ANKRD30B: variants seen among roughly 807,000 people sequenced by gnomAD.
ANKRD30B encodes the protein ankyrin repeat domain 30B.
A neutral mutation model predicts 202.2 loss-of-function variants in ANKRD30B; 144 were observed. The observed-to-expected ratio is 0.71, with a 90% CI of 0.62 to 0.82. The LOEUF is 0.82. Among genes scored for constraint, ANKRD30B ranks in the 40% least tolerant of loss-of-function variants. The pLI, the probability that ANKRD30B is intolerant of heterozygous loss-of-function variation, is 0.00. For missense variants in ANKRD30B, 1,487 were observed against 1,669.1 expected, an observed-to-expected ratio of 0.89 and a Z score of 1.90; for synonymous variants, 508 against 561.3, an observed-to-expected ratio of 0.91 and a Z score of 1.34.
the ANKRD30B span, among the ~76,000 whole-genome samples, chr18:14,878,451 T>G: frequency 6.6e-6 from 1 of 152,030 alleles, no homozygotes; most frequent in Non-Finnish European, 1.5e-5. Context: ...CTTTGCCTTC[T>G]TTCTCGATTC....
At position 14,765,084 on chromosome 18, in the gene ANKRD30B, A is replaced by C. The variant is rs185743403; in HGVS notation, c.1225+994A>C. Among the ~76,000 whole-genome samples, 239 of 152,314 alleles carry C rather than the reference A, an allele frequency of 1.6e-3. 1 individual carries two copies. Among genetic ancestry groups the C allele is most frequent in the Middle Eastern group, 6.8e-3 (2 of 294 alleles). ...GAAAGGTTTGAGCAGGGGAGTCACA[A>C]GATTGGATCTGAGCATCAGGGCATT... On this transcript the variant is annotated intron_variant, in intron 7 of 43. Transcript: ENST00000690538.
intron 16 of ANKRD30B, among the ~76,000 whole-genome samples, chr18:14,792,093 C>T (rs1968551494): frequency 6.6e-6 from 1 of 152,172 alleles, no homozygotes; most frequent in Admixed American, 6.5e-5. Flanking sequence ...GTCATATACA[C>T]TCCGTATAGA....
At chr18:14,858,789 C>G (rs1478382218), downstream of ANKRD30B, among the ~76,000 whole-genome samples, 6 of 132,568 alleles carry the variant, frequency 4.5e-5, no homozygotes, top group Non-Finnish European at 3.4e-5. Flanking sequence ...GGCTCCTCAC[C>G]TCCCAGACAA....
At chr18:14,821,327 T>TTTTTTGATAATTTGGA (rs1306267217) in intron 30 of ANKRD30B, among the ~76,000 whole-genome samples, 117 of 152,264 alleles carry the variant, frequency 7.7e-4, no homozygotes, top group African/African-American at 2.7e-3. Context: ...CCTGGATTCA[T>TTTTTTGATAATTTGGA]TAATTTTTTG....
At chr18:14,887,241 A>G in the ANKRD30B span, among the ~76,000 whole-genome samples, 3 of 152,066 alleles carry the variant, frequency 2.0e-5, no homozygotes, top group Admixed American at 6.6e-5. Context: ...CCTTCATGAC[A>G]TTCAGGGCCC....
chr18:14,853,000 T>C (rs1971951394), intron 42 of ANKRD30B, among the ~76,000 whole-genome samples: 2 of 152,314 alleles, frequency 1.3e-5, no homozygotes, highest in South Asian at 2.1e-4. Context: ...AAATTATGTA[T>C]TGTTAAAACC....
At chr18:14,809,322 C>G (rs886381514) in intron 26 of ANKRD30B, among the ~76,000 whole-genome samples, 2 of 150,990 alleles carry the variant, frequency 1.3e-5, no homozygotes, top group African/African-American at 4.9e-5. Context: ...GAAACACAGT[C>G]TTTCCATAAC....
rs2143607527 is a variant in ANKRD30B at position 14,748,630 on chromosome 18, A to G, written c.211A>G (p.Met71Val). 6.4e-7 allele frequency: 1 copy of G among 1,562,666 alleles called. No individual in the cohort carries two copies. Residue 71 changes from methionine (M) to valine (V), a missense_variant, in exon 1 of 44, where the codon ATG (methionine) becomes GTG (valine). Physicochemically the swap from Met to Val is conservative, Grantham distance 21 (BLOSUM62 1). Coordinates refer to ENST00000690538, the MANE Select transcript of ANKRD30B (RefSeq NM_001367607.2). Reference sequence around the variant, plus strand: ...GCCCGTCAACCTGAACAAAAGAGATATGAAGAAGAGGTACCAGGCCCTGCC... The same window carrying G: ...GCCCGTCAACCTGAACAAAAGAGATGTGAAGAAGAGGTACCAGGCCCTGCC... ...KKPVNLNKRD[M>V]KKRTALHWAC...
At chr18:14,896,201 G>A in the ANKRD30B span, among the ~76,000 whole-genome samples, 3 of 151,202 alleles carry the variant, frequency 2.0e-5, no homozygotes, top group South Asian at 2.1e-4. Flanking sequence ...GCGTGATCTC[G>A]GTTCACTGCA....
At chr18:14,917,382 C>T in the ANKRD30B span, among the ~76,000 whole-genome samples, 2 of 152,062 alleles carry the variant, frequency 1.3e-5, no homozygotes, top group African/African-American at 4.8e-5. Context: ...TTTCCTGTAC[C>T]CTCACCTTCC....
At chr18:14,803,637 A>C (rs1201305788) in intron 23 of ANKRD30B, 97 bp from the exon 24 acceptor site, 2 of 1,407,866 alleles carry the variant, frequency 1.4e-6, no homozygotes, top group Middle Eastern at 1.8e-4. Context: ...AAAGTAGGAA[A>C]CTGTGTTTTT....
chr18:14,859,070 G>A (rs1374317698), downstream of ANKRD30B, among the ~76,000 whole-genome samples: 8 of 126,338 alleles, frequency 6.3e-5, no homozygotes, highest in Admixed American at 1.5e-4. Flanking sequence ...TGGGGTGGCC[G>A]GGCAGAGGCG....
At chr18:14,836,890 T>C (rs1417056579) in intron 34 of ANKRD30B, among the ~76,000 whole-genome samples, 1 of 152,066 alleles carries the variant, frequency 6.6e-6, no homozygotes, top group African/African-American at 2.4e-5. Flanking sequence ...TTTCTAAGCT[T>C]TTCAGGTAAA....
downstream of ANKRD30B, among the ~76,000 whole-genome samples, chr18:14,856,634 AG>A (rs548618533): frequency 2.5e-5 from 3 of 119,052 alleles, no homozygotes; most frequent in South Asian, 8.0e-4. Context: ...GGCGCTCCTC[AG>A]TTCCCAGATT....
chr18:14,778,071 A>T lies in ANKRD30B; in HGVS notation c.1416A>T (p.Ile472=), dbSNP rs991287977. Residue 472 remains isoleucine (I), a synonymous_variant, in exon 10 of 44, where the codon ATA becomes ATT. Transcript: ENST00000690538. ...ATATCAAAACAATAAATCACAAAAT[A>T]GAAGGTAAGAACCATTTTTTATTTA... is the stretch of plus-strand genomic sequence containing the variant. ...QKDIKTINHK[I]EDQMFPSESK... is the part of the protein sequence containing the mutation. The T allele has an allele frequency of 3.9e-6, 6 of 1,534,708 alleles. No homozygotes were observed. In the Admixed American group the frequency reaches 1.2e-4, roughly 31 times the overall value.
chr18:14,887,400 T>C, the ANKRD30B span, among the ~76,000 whole-genome samples: 1 of 152,152 alleles, frequency 6.6e-6, no homozygotes, highest in East Asian at 1.9e-4. Flanking sequence ...TAAAATATGA[T>C]ACTTTTCTAC....
the ANKRD30B span, among the ~76,000 whole-genome samples, chr18:14,901,926 C>T: frequency 5.3e-4 from 80 of 152,112 alleles, no homozygotes; most frequent in African/African-American, 1.6e-3. Flanking sequence ...ATTTTTATGC[C>T]GCTGATAAAG....
At chr18:14,776,495 CTAGGA>C (rs1366600515) in intron 9 of ANKRD30B, among the ~76,000 whole-genome samples, 1 of 152,116 alleles carries the variant, frequency 6.6e-6, no homozygotes, top group African/African-American at 2.4e-5. Context: ...ATATGAAAGT[CTAGGA>C]GGAAGACATT....
intron 10 of ANKRD30B, among the ~76,000 whole-genome samples, chr18:14,778,475 C>CA (rs2143836965): frequency 6.6e-6 from 1 of 152,152 alleles, no homozygotes; most frequent in African/African-American, 2.4e-5. Context: ...CTTTCTTTAC[C>CA]AAAATTTGCC....
Sources: gnomAD v4.1 joint callset for allele counts (sites outside exome capture counted in the v4.1 genomes callset) on GRCh38, gnomAD v4.1.1 for gene constraint, MANE v1.5 for transcripts, NCBI Gene and HGNC (gene_info 2026-07-23, HGNC 2026-07-21) for gene names.